Variants in PDE4D observed in about 807,000 individuals in gnomAD.
PDE4D encodes the protein 3',5'-cyclic-AMP phosphodiesterase 4D.
In PDE4D, 24 loss-of-function variants were observed where a neutral mutation model predicts 87.4. The observed-to-expected ratio is 0.27, with a 90% CI of 0.20 to 0.39. PDE4D has a LOEUF of 0.39. Ranked by LOEUF, PDE4D falls within the 10% of genes least tolerant of loss-of-function variation. PDE4D has a pLI of 1.00. For synonymous variants in PDE4D, 384 were observed against 383.2 expected, an observed-to-expected ratio of 1.00 and a Z score of -0.02; for missense variants, 714 against 1,041.0, an observed-to-expected ratio of 0.69 and a Z score of 4.32.
intron 1 of PDE4D, among the ~76,000 whole-genome samples, chr5:59,438,691 T>C (rs948781391): frequency 3.3e-5 from 5 of 152,186 alleles, no homozygotes; most frequent in African/African-American, 4.8e-5. Context: ...CCTCAACCAC[T>C]TCTGAATGCA....
intron 1 of PDE4D, among the ~76,000 whole-genome samples, chr5:59,251,129 T>C (rs1009946875): frequency 4.6e-5 from 7 of 152,058 alleles, no homozygotes; most frequent in Non-Finnish European, 7.4e-5. Context: ...CAAAGATTCA[T>C]GACAAAGACA....
chr5:60,102,287 G>T (rs1012076438), intron 2 of PDE4D, among the ~76,000 whole-genome samples: 1 of 151,772 alleles, frequency 6.6e-6, no homozygotes, highest in African/African-American at 2.4e-5. Context: ...TCAATACAGT[G>T]GGTACATGTG....
intron 2 of PDE4D, among the ~76,000 whole-genome samples, chr5:60,011,897 C>T (rs536359430): frequency 1.1e-4 from 16 of 152,116 alleles, no homozygotes; most frequent in South Asian, 1.0e-3. Flanking sequence ...ACAAAGGAAC[C>T]GGGTAGTGGA....
At chr5:60,118,577 G>GTGTGTA (rs1290097634) in intron 2 of PDE4D, among the ~76,000 whole-genome samples, 61 of 151,696 alleles carry the variant, frequency 4.0e-4, no homozygotes, top group African/African-American at 1.4e-3. Context: ...GTGTGTGTGT[G>GTGTGTA]TGTGTGTGTG....
intron 1 of PDE4D, among the ~76,000 whole-genome samples, chr5:59,786,556 T>C (rs1413258580): frequency 6.6e-6 from 1 of 152,232 alleles, no homozygotes; most frequent in Non-Finnish European, 1.5e-5. Context: ...ATCTTGACAT[T>C]CTGCTACCTG....
intron 6 of PDE4D, chr5:59,000,042 A>C (rs754381852): frequency 4.9e-6 from 2 of 406,044 alleles, no homozygotes; most frequent in Non-Finnish European, 6.7e-6. Flanking sequence ...GCCTCGGTGC[A>C]GGCTGCTTTG....
chr5:58,975,560 A>T lies in PDE4D; in HGVS notation c.2013+97T>A, dbSNP rs1161126886. On this transcript the variant is annotated intron_variant, in intron 14 of 14. Coordinates refer to ENST00000340635, the MANE Select transcript of PDE4D (RefSeq NM_001104631.2). The surrounding 1 kb of genome is among the most constrained non-coding windows in gnomAD (Gnocchi z 4.2). The stretch of plus-strand genomic sequence containing the variant: ...AGCTTGTCAAAAACAAAGTAATTTT[A>T]AAAATCCAGTAAAATACTATCATAT... The T allele has an allele frequency of 3.1e-5, 30 of 975,510 alleles. No individual in the cohort carries two copies. In the East Asian group the frequency reaches 7.5e-4, roughly 24 times the overall value. The allele number at this position is 975,510 out of a possible 1,614,324, so 60.4% of individuals were successfully genotyped here.
chr5:59,238,832 T>C (rs1164511803), intron 1 of PDE4D, among the ~76,000 whole-genome samples: 1 of 152,148 alleles, frequency 6.6e-6, no homozygotes, highest in Admixed American at 6.6e-5. Flanking sequence ...CTCATACATA[T>C]TGGTGTGAGT....
intron 1 of PDE4D, among the ~76,000 whole-genome samples, chr5:59,358,889 T>C (rs2153591661): frequency 6.6e-6 from 1 of 152,332 alleles, no homozygotes; most frequent in East Asian, 1.9e-4. Context: ...TGATTTCTAA[T>C]AAAAGCTACA....
intron 1 of PDE4D, among the ~76,000 whole-genome samples, chr5:59,254,432 A>C (rs1030502341): frequency 2.0e-5 from 3 of 151,926 alleles, no homozygotes; most frequent in Admixed American, 6.6e-5. Context: ...AAGATAGAAA[A>C]GCAGTCATTA....
intron 1 of PDE4D, among the ~76,000 whole-genome samples, chr5:59,787,827 C>T (rs1380314109): frequency 1.3e-5 from 2 of 152,048 alleles, no homozygotes; most frequent in East Asian, 1.9e-4. Context: ...TTAGAGGTGG[C>T]ATAAACTGAA....
Position 59,387,504 on chromosome 5 carries a change from GAGAA to G in PDE4D, c.456-171540_456-171537del, listed in dbSNP as rs1305538896. ...TTATGAAGGGACATGATTTCTCAATGAGAAAGAAAGAGGAAACAGAAAACTAATA... is the reference window on the plus strand; with the variant it reads ...TTATGAAGGGACATGATTTCTCAATGAGAAAGAGGAAACAGAAAACTAATA... On this transcript the variant is annotated intron_variant, in intron 1 of 14. Transcript: ENST00000340635. Among the ~76,000 whole-genome samples the G allele has an allele frequency of 2.6e-5, 4 of 152,098 alleles. 1 individual carries two copies. In the East Asian group the frequency reaches 7.7e-4, roughly 29 times the overall value.
At chr5:60,376,465 C>T (rs918779156) in intron 1 of PDE4D, among the ~76,000 whole-genome samples, 5 of 152,164 alleles carry the variant, frequency 3.3e-5, no homozygotes, top group African/African-American at 9.7e-5. Flanking sequence ...TAACAGCCTC[C>T]TACTCCCTAG....
At chr5:60,011,831 C>A (rs567603580) in intron 2 of PDE4D, among the ~76,000 whole-genome samples, 3 of 152,250 alleles carry the variant, frequency 2.0e-5, no homozygotes, top group African/African-American at 7.2e-5. Flanking sequence ...TTAATTACAG[C>A]AATTCTTAAA....
chr5:60,304,399 A>C (rs898486806), intron 1 of PDE4D, among the ~76,000 whole-genome samples: 1 of 151,396 alleles, frequency 6.6e-6, no homozygotes, highest in East Asian at 1.9e-4. Flanking sequence ...TAATCCCAGC[A>C]CTTTGGGAGG....
chr5:60,321,424 C>T (rs145807313), intron 1 of PDE4D, among the ~76,000 whole-genome samples: 200 of 152,212 alleles, frequency 1.3e-3, no homozygotes, highest in African/African-American at 4.8e-3. Context: ...AAATGTAAAA[C>T]CTAAAACTAT....
intron 1 of PDE4D, among the ~76,000 whole-genome samples, chr5:60,511,144 AT>A (rs1263373260): frequency 6.6e-6 from 1 of 151,834 alleles, no homozygotes; most frequent in Non-Finnish European, 1.5e-5. Context: ...TAATTTTTGT[AT>A]TTTCAGTAGA....
chr5:60,156,720 C>T (rs1444907805), intron 2 of PDE4D, among the ~76,000 whole-genome samples: 1 of 152,048 alleles, frequency 6.6e-6, no homozygotes, highest in South Asian at 2.1e-4. Context: ...TATTTTGGCA[C>T]AATTTCTACC....
intron 1 of PDE4D, among the ~76,000 whole-genome samples, chr5:59,380,574 T>A (rs551676024): frequency 3.9e-5 from 6 of 152,296 alleles, no homozygotes; most frequent in African/African-American, 1.4e-4. Context: ...GTCACATCGC[T>A]CTACTTCAGG....
Sources: allele counts gnomAD v4.1 joint callset (sites outside exome capture counted in the v4.1 genomes callset), GRCh38; gene constraint gnomAD v4.1.1; non-coding constraint Gnocchi (gnomAD v3.1); transcripts MANE v1.5; gene names NCBI Gene and HGNC (gene_info 2026-07-23, HGNC 2026-07-21).